RP1: variants seen among roughly 807,000 people sequenced by gnomAD.
RP1 encodes the protein oxygen-regulated protein 1.
A neutral mutation model predicts 14.8 loss-of-function variants in RP1; 16 were observed. The observed-to-expected ratio is 1.08, with a 90% confidence interval of 0.73 to 1.65. RP1 has a LOEUF of 1.65. RP1 is among the 40% of genes most tolerant of loss of function. The probability of loss-of-function intolerance (pLI) is 0.00; values close to 1 mark genes in which losing one functional copy is unlikely to be tolerated. For missense variants in RP1, 2,631 were observed against 2,535.0 expected (o/e 1.04, Z -0.81); for synonymous variants, 876 against 883.6 (o/e 0.99, Z 0.15).
intron 24 of RP1, among the ~76,000 whole-genome samples, chr8:54,823,923 T>C (rs78431003): frequency 6.6e-6 from 1 of 151,938 alleles, no homozygotes; most frequent in East Asian, 1.9e-4. Flanking sequence ...GAGATCTGGA[T>C]TTTTTTTTCC....
At chr8:54,768,618 A>G (rs1198846160) in intron 22 of RP1, among the ~76,000 whole-genome samples, 1 of 152,182 alleles carries the variant, frequency 6.6e-6, no homozygotes, top group East Asian at 1.9e-4. Context: ...GTAATACTAC[A>G]AAAAAATGCT....
At chr8:54,767,182 T>G (rs1476029770) in intron 22 of RP1, among the ~76,000 whole-genome samples, 2 of 152,178 alleles carry the variant, frequency 1.3e-5, no homozygotes, top group Non-Finnish European at 2.9e-5. Flanking sequence ...ATAATACATT[T>G]ATGTATGTTT....
At chr8:54,726,868 A>G (rs958142302) in intron 17 of RP1, among the ~76,000 whole-genome samples, 21 of 151,638 alleles carry the variant, frequency 1.4e-4, no homozygotes, top group African/African-American at 5.1e-4. Context: ...TGAAGCTTAA[A>G]AAAAAGTGCT....
intron 24 of RP1, among the ~76,000 whole-genome samples, chr8:54,822,361 TATA>T (rs59765109): frequency 0.3 from 45,390 of 151,838 alleles, 6,950 homozygotes; most frequent in South Asian, 0.37. Context: ...TATGATTTTG[TATA>T]ATAATACCGA....
At position 54,838,863 on chromosome 8, in the gene RP1, C is replaced by T. The variant is rs1222122352; in HGVS notation, c.3835+1194C>T. The stretch of plus-strand genomic sequence containing the variant: ...GTGATTGGCTGTGTCATGCAAGCTA[C>T]TTAGCCTCCCTTAGCCAAGAATGCC... On this transcript the variant is annotated intron_variant, in intron 25 of 28. Transcript: ENST00000637698. Among the ~76,000 whole-genome samples the T allele has an allele frequency of 2.6e-5, 4 of 152,168 alleles. No homozygotes were observed. In the East Asian group the frequency reaches 5.8e-4, roughly 22 times the overall value.
chr8:54,730,740 C>G (rs961948855), intron 17 of RP1, among the ~76,000 whole-genome samples: 3 of 151,968 alleles, frequency 2.0e-5, no homozygotes, highest in Admixed American at 6.6e-5. Context: ...TTATGTGATC[C>G]TGTTTTCTGT....
chr8:54,718,578 C>A (rs895953595), intron 15 of RP1, among the ~76,000 whole-genome samples: 22 of 152,130 alleles, frequency 1.4e-4, no homozygotes, highest in African/African-American at 5.3e-4. Flanking sequence ...CAGCTTTTTT[C>A]ATAATCACCC....
intron 16 of RP1, among the ~76,000 whole-genome samples, chr8:54,724,351 A>C (rs1224862030): frequency 6.6e-6 from 1 of 152,180 alleles, no homozygotes; most frequent in Non-Finnish European, 1.5e-5. Flanking sequence ...AAAACAAAAG[A>C]CTTTTCCTAG....
intron 13 of RP1, among the ~76,000 whole-genome samples, chr8:54,701,307 A>C (rs1808010327): frequency 6.6e-6 from 1 of 152,218 alleles, no homozygotes; most frequent in Non-Finnish European, 1.5e-5. Flanking sequence ...TCATTGGAGC[A>C]AGTCATTGGA....
intron 22 of RP1, among the ~76,000 whole-genome samples, chr8:54,764,915 A>G (rs979213019): frequency 6.6e-6 from 1 of 152,170 alleles, no homozygotes; most frequent in Non-Finnish European, 1.5e-5. Flanking sequence ...TAAAAAGAAA[A>G]AAAAAAAAAA....
intron 1 of RP1, among the ~76,000 whole-genome samples, chr8:54,610,017 T>G (rs970912220): frequency 6.6e-6 from 1 of 152,126 alleles, no homozygotes; most frequent in African/African-American, 2.4e-5. Flanking sequence ...TAGCAAAAAA[T>G]TTATCTCCAC....
chr8:54,813,658 A>C (rs1390556884), intron 24 of RP1, among the ~76,000 whole-genome samples: 3 of 152,246 alleles, frequency 2.0e-5, no homozygotes, highest in African/African-American at 7.2e-5. Context: ...CAGCCCTCAT[A>C]TGTACAGTCA....
At chr8:54,735,041 G>A (rs1313292292) in intron 18 of RP1, among the ~76,000 whole-genome samples, 1 of 151,872 alleles carries the variant, frequency 6.6e-6, no homozygotes, top group Non-Finnish European at 1.5e-5. Flanking sequence ...TTTATAACCG[G>A]CTTATAAGCT....
chr8:54,813,955 G>A (rs946810815), intron 24 of RP1, among the ~76,000 whole-genome samples: 27 of 152,194 alleles, frequency 1.8e-4, no homozygotes, highest in Non-Finnish European at 3.1e-4. Context: ...GCTGTGGGGA[G>A]TTGAGCAAAT....
At chr8:54,868,472 T>C (rs957661001) in intron 28 of RP1, among the ~76,000 whole-genome samples, 2 of 152,208 alleles carry the variant, frequency 1.3e-5, no homozygotes, top group African/African-American at 4.8e-5. Flanking sequence ...AAACCATAGA[T>C]AACATTTAGT....
intron 24 of RP1, among the ~76,000 whole-genome samples, chr8:54,813,095 C>T (rs1468082903): frequency 6.6e-6 from 1 of 152,246 alleles, no homozygotes; most frequent in Non-Finnish European, 1.5e-5. Flanking sequence ...AACTTTTATA[C>T]TTTGCAGAAA....
rs191194719 is a variant in RP1 at position 54,859,994 on chromosome 8, C to T, written c.4069+2888C>T. On this transcript the variant is annotated intron_variant, in intron 27 of 28. Coordinates refer to the RP1 transcript ENST00000637698. The stretch of plus-strand genomic sequence containing the variant: ...ACATCCAACCCACATCCTAAAAAGC[C>T]AGAATTGAGGTGCTGTAGAGAAAAC... Among the ~76,000 whole-genome samples the T allele has an allele frequency of 5.3e-4, 81 of 152,252 alleles. 1 individual carries two copies. In the East Asian group the frequency reaches 0.015, roughly 28 times the overall value.
At chr8:54,646,082 A>G (rs1298971143) in intron 3 of RP1, among the ~76,000 whole-genome samples, 1 of 152,128 alleles carries the variant, frequency 6.6e-6, no homozygotes, top group Non-Finnish European at 1.5e-5. Flanking sequence ...AAGACTTAGA[A>G]TTTTGTCTAT....
At chr8:54,709,780 C>A (rs902793010) in intron 15 of RP1, among the ~76,000 whole-genome samples, 2 of 152,178 alleles carry the variant, frequency 1.3e-5, no homozygotes, top group African/African-American at 4.8e-5. Flanking sequence ...GAAGGCAACA[C>A]ATGTGTGTAA....
Sources: allele counts gnomAD v4.1 joint callset (sites outside exome capture counted in the v4.1 genomes callset), GRCh38; gene constraint gnomAD v4.1.1; transcripts MANE v1.5; gene names NCBI Gene and HGNC (gene_info 2026-07-23, HGNC 2026-07-21).